Variants in WDFY4 observed in about 807,000 individuals in gnomAD.
WDFY4 encodes the protein WDFY family member 4, also known as WD repeat- and FYVE domain-containing protein 4.
In WDFY4, 169 loss-of-function variants were observed where a neutral mutation model predicts 351.9. That is an observed-to-expected ratio of 0.48 (90% CI 0.42 to 0.55). WDFY4 has a LOEUF of 0.55. WDFY4 is among the 20% of genes least tolerant of loss of function. WDFY4 has a pLI of 0.00. For missense variants in WDFY4, 3,803 were observed against 3,935.6 expected (o/e 0.97, Z 0.90); for synonymous variants, 1,622 against 1,574.6 (o/e 1.03, Z -0.71).
At chr10:48,938,940 C>T (rs916928627) in intron 47 of WDFY4, among the ~76,000 whole-genome samples, 6 of 152,184 alleles carry the variant, frequency 3.9e-5, no homozygotes, top group African/African-American at 7.2e-5. Context: ...CCCAATAAGG[C>T]CAGGCCGGGT....
chr10:48,824,088 A>G, intron 35 of WDFY4: 8 of 985,462 alleles, frequency 8.1e-6, no homozygotes, highest in Non-Finnish European at 9.6e-6. Flanking sequence ...GGACCAGTCC[A>G]TGCTAAGGCT....
At chr10:48,932,339 T>C (rs1186002932) in intron 47 of WDFY4, 1 of 151,984 alleles carries the variant, frequency 6.6e-6, no homozygotes. Flanking sequence ...GATGGAGGAG[T>C]TGGAGAACAA....
intron 47 of WDFY4, among the ~76,000 whole-genome samples, chr10:48,929,928 T>C (rs2133671657): frequency 6.6e-6 from 1 of 152,182 alleles, no homozygotes; most frequent in African/African-American, 2.4e-5. Flanking sequence ...TGCCCCTTAT[T>C]TCTCTGCACT....
chr10:48,757,040 G>T, intron 12 of WDFY4, among the ~76,000 whole-genome samples: 1 of 152,068 alleles, frequency 6.6e-6, no homozygotes, highest in East Asian at 1.9e-4. Flanking sequence ...GGTAGAATTT[G>T]CTGGTGAAAA....
At chr10:48,940,875 C>G (rs1221068041) in intron 47 of WDFY4, among the ~76,000 whole-genome samples, 2 of 152,126 alleles carry the variant, frequency 1.3e-5, no homozygotes, top group Non-Finnish European at 2.9e-5. Flanking sequence ...TTTTGTTACC[C>G]TTTTTTCCTA....
At chr10:48,779,047 A>G (rs1347577711) in intron 18 of WDFY4, among the ~76,000 whole-genome samples, 1 of 152,252 alleles carries the variant, frequency 6.6e-6, no homozygotes, top group Non-Finnish European at 1.5e-5. Flanking sequence ...AGTGTCAGGC[A>G]GATGAGGCCC....
intron 47 of WDFY4, among the ~76,000 whole-genome samples, chr10:48,939,964 C>G (rs1217235285): frequency 6.6e-6 from 1 of 152,256 alleles, no homozygotes; most frequent in African/African-American, 2.4e-5. Flanking sequence ...GAGACTGAAT[C>G]TCATTTCCTG....
At chr10:48,790,097 C>A (rs1165081881) in intron 22 of WDFY4, 112 bp downstream of exon 22, 17 of 1,084,138 alleles carry the variant, frequency 1.6e-5, no homozygotes, top group Non-Finnish European at 2.3e-5. Flanking sequence ...TGCCAGGGAA[C>A]CAGGGTCGGG....
At chr10:48,857,814 T>C (rs1239790708) in intron 39 of WDFY4, among the ~76,000 whole-genome samples, 1 of 152,072 alleles carries the variant, frequency 6.6e-6, no homozygotes, top group Non-Finnish European at 1.5e-5. Flanking sequence ...CTTTTTTTGA[T>C]GGAGTTTTGC....
At chr10:48,900,931 C>G (rs1185249797) in intron 46 of WDFY4, among the ~76,000 whole-genome samples, 2 of 152,178 alleles carry the variant, frequency 1.3e-5, no homozygotes, top group African/African-American at 2.4e-5. Context: ...AGTTCCTCAT[C>G]ATTATAGACC....
chr10:48,952,062 A>G (rs1166326925), intron 51 of WDFY4, among the ~76,000 whole-genome samples: 1 of 152,210 alleles, frequency 6.6e-6, no homozygotes, highest in Non-Finnish European at 1.5e-5. Flanking sequence ...TGCAGAGAGA[A>G]TGGAGAACCG....
intron 12 of WDFY4, among the ~76,000 whole-genome samples, chr10:48,759,407 T>C (rs528621315): frequency 6.6e-6 from 1 of 152,298 alleles, no homozygotes; most frequent in Non-Finnish European, 1.5e-5. Context: ...GTGTCACTGG[T>C]ATCTGTCTCT....
chr10:48,758,004 T>C (rs1195256001), intron 12 of WDFY4, among the ~76,000 whole-genome samples: 2 of 152,290 alleles, frequency 1.3e-5, no homozygotes, highest in East Asian at 3.8e-4. Flanking sequence ...TAGTGTATTA[T>C]ATTTACCCAA....
At chr10:48,842,836 G>A (rs1333644693) in intron 39 of WDFY4, among the ~76,000 whole-genome samples, 3 of 152,290 alleles carry the variant, frequency 2.0e-5, no homozygotes, top group African/African-American at 7.2e-5. Context: ...ACTCTTCCTG[G>A]TCTACAACTG....
intron 39 of WDFY4, among the ~76,000 whole-genome samples, chr10:48,840,731 G>T (rs992652078): frequency 3.3e-5 from 5 of 152,192 alleles, no homozygotes; most frequent in Non-Finnish European, 5.9e-5. Context: ...TCCAGAATAA[G>T]GGGGAAGGAT....
chr10:48,780,632 G>A (rs1415179254), intron 19 of WDFY4, among the ~76,000 whole-genome samples: 1 of 152,176 alleles, frequency 6.6e-6, no homozygotes, highest in African/African-American at 2.4e-5. Context: ...ATGTATAGCT[G>A]GAGGAAGCAT....
At chr10:48,856,534 G>A (rs182601184) in intron 39 of WDFY4, among the ~76,000 whole-genome samples, 1 of 152,198 alleles carries the variant, frequency 6.6e-6, no homozygotes, top group East Asian at 1.9e-4. Context: ...TGCAGTAAGT[G>A]CAGGTTTGTT....
chr10:48,830,684 G>T lies in WDFY4; in HGVS notation c.6341-16G>T, dbSNP rs927314806. The T allele has an allele frequency of 9.0e-6, 14 of 1,548,254 alleles. No homozygotes were observed. Among genetic ancestry groups the T allele is most frequent in the Non-Finnish European group, 1.2e-5 (14 of 1,145,134 alleles). On this transcript the variant is annotated splice_polypyrimidine_tract_variant and intron_variant, in intron 37 of 61. Transcript: ENST00000325239. ...ACTGAGGCCATCCTGAGTGTGCCAT[G>T]TGCTCTCTCTGCTAGTCCAACACAA...
intron 47 of WDFY4, among the ~76,000 whole-genome samples, chr10:48,937,012 C>T (rs1192473211): frequency 5.3e-5 from 8 of 151,664 alleles, no homozygotes; most frequent in East Asian, 2.0e-4. Flanking sequence ...CTTCACCTCC[C>T]GGGTTCGAGT....
Sources: gnomAD v4.1 joint callset for allele counts (sites outside exome capture counted in the v4.1 genomes callset) on GRCh38, gnomAD v4.1.1 for gene constraint, MANE v1.5 for transcripts, NCBI Gene and HGNC (gene_info 2026-07-23, HGNC 2026-07-21) for gene names.